The following NRG3 variants were observed in gnomAD, a reference collection of about 807,000 sequenced individuals.
The protein encoded by NRG3 is neuregulin 3, also known as pro-neuregulin-3, membrane-bound isoform.
Under a neutral mutation model 66.9 loss-of-function variants are expected in NRG3, and 31 were observed. The observed-to-expected ratio is 0.46, with a 90% confidence interval of 0.35 to 0.63. The LOEUF is 0.63. NRG3 is among the 20% of genes least tolerant of loss of function. The pLI, the probability that NRG3 is intolerant of heterozygous loss-of-function variation, is 0.00. For missense variants in NRG3, 910 were observed against 878.9 expected (o/e 1.04, Z -0.45); for synonymous variants, 393 against 359.4 (o/e 1.09, Z -1.06).
intron 1 of NRG3, among the ~76,000 whole-genome samples, chr10:82,149,597 T>C (rs1262084007): frequency 6.6e-6 from 1 of 152,226 alleles, no homozygotes; most frequent in Non-Finnish European, 1.5e-5. Context: ...TTGTCTTTGT[T>C]TTCTCATAAA....
intron 2 of NRG3, among the ~76,000 whole-genome samples, chr10:82,401,456 T>C (rs2087100079): frequency 6.6e-6 from 1 of 152,106 alleles, no homozygotes; most frequent in Non-Finnish European, 1.5e-5. Context: ...GAGAGAAGTA[T>C]GCACAGATTC....
At chr10:82,893,874 G>C (rs1168093022) in intron 4 of NRG3, among the ~76,000 whole-genome samples, 2 of 151,802 alleles carry the variant, frequency 1.3e-5, no homozygotes, top group Non-Finnish European at 2.9e-5. Flanking sequence ...AAACCAAAAA[G>C]ACAGAAGTAA....
intron 1 of NRG3, among the ~76,000 whole-genome samples, chr10:82,062,711 T>C (rs1219239148): frequency 6.6e-6 from 1 of 152,082 alleles, no homozygotes; most frequent in Admixed American, 6.6e-5. Flanking sequence ...TATGCTGTCT[T>C]TCTCCCTTTT....
chr10:82,343,367 AG>A (rs1384141861), intron 1 of NRG3, among the ~76,000 whole-genome samples: 1 of 152,166 alleles, frequency 6.6e-6, no homozygotes, highest in Admixed American at 6.6e-5. Context: ...GATCTCTACA[AG>A]CAAAACTACA....
At chr10:82,649,999 A>G (rs780738053) in intron 2 of NRG3, among the ~76,000 whole-genome samples, 17 of 152,150 alleles carry the variant, frequency 1.1e-4, no homozygotes, top group Non-Finnish European at 2.4e-4. Flanking sequence ...AAGCTTCTCA[A>G]ACACTCAGAA....
At chr10:82,419,980 C>A (rs1273735338) in intron 2 of NRG3, among the ~76,000 whole-genome samples, 1 of 152,134 alleles carries the variant, frequency 6.6e-6, no homozygotes, top group Non-Finnish European at 1.5e-5. Flanking sequence ...AAGGTGTGAT[C>A]CAGAAACTCA....
chr10:82,708,432 A>G (rs990670079), intron 2 of NRG3, among the ~76,000 whole-genome samples: 1 of 152,166 alleles, frequency 6.6e-6, no homozygotes, highest in African/African-American at 2.4e-5. Flanking sequence ...ATAGTACCCA[A>G]TAGGTGGTTT....
chr10:82,983,924 A>G (rs192048638), intron 8 of NRG3, among the ~76,000 whole-genome samples: 14 of 152,356 alleles, frequency 9.2e-5, no homozygotes, highest in African/African-American at 3.4e-4. Context: ...GTCTGGTGGA[A>G]AGACCTCTAA....
intron 1 of NRG3, among the ~76,000 whole-genome samples, chr10:82,294,638 A>G (rs1038366424): frequency 2.0e-5 from 3 of 152,192 alleles, no homozygotes; most frequent in Admixed American, 6.5e-5. Flanking sequence ...CATCAGCGTT[A>G]TATGCCTGCT....
intron 1 of NRG3, among the ~76,000 whole-genome samples, chr10:82,189,704 C>T (rs1190364830): frequency 2.6e-5 from 4 of 152,136 alleles, no homozygotes; most frequent in East Asian, 1.9e-4. Context: ...GTAGGAGAAT[C>T]GCTTGAACCT....
intron 3 of NRG3, among the ~76,000 whole-genome samples, chr10:82,793,331 T>A (rs1412190187): frequency 6.6e-6 from 1 of 152,180 alleles, no homozygotes; most frequent in Non-Finnish European, 1.5e-5. Flanking sequence ...TTGGCTCACA[T>A]TAAATAATGA....
intron 2 of NRG3, among the ~76,000 whole-genome samples, chr10:82,496,659 A>G (rs1843662595): frequency 6.6e-6 from 1 of 152,122 alleles, no homozygotes; most frequent in Admixed American, 6.6e-5. Flanking sequence ...GCCTTTTTGC[A>G]GATGTTTACC....
intron 3 of NRG3, among the ~76,000 whole-genome samples, chr10:82,821,761 CA>C (rs1486133277): frequency 6.6e-6 from 1 of 152,102 alleles, no homozygotes; most frequent in Non-Finnish European, 1.5e-5. Flanking sequence ...TACATTTTCC[CA>C]TTGAAAAACA....
intron 5 of NRG3, 47 bp from the exon 6 acceptor site, chr10:82,958,902 T>G (rs979067637): frequency 3.4e-6 from 5 of 1,487,888 alleles, no homozygotes; most frequent in Non-Finnish European, 4.5e-6. Flanking sequence ...AAGTAGGAGT[T>G]GAATAAAGTC....
chr10:82,109,349 A>G (rs932035880), intron 1 of NRG3, among the ~76,000 whole-genome samples: 7 of 152,212 alleles, frequency 4.6e-5, no homozygotes, highest in African/African-American at 1.7e-4. Flanking sequence ...AGATTTTGCA[A>G]CAATCATGAC....
rs577268656 is a variant in NRG3 at position 82,797,461 on chromosome 10, C to G, written c.1027+58811C>G. 2.6e-5 allele frequency among the ~76,000 whole-genome samples: 4 copies of G among 152,330 alleles called. No homozygotes were observed. In the South Asian group the frequency reaches 8.3e-4, roughly 32 times the overall value. On this transcript the variant is annotated intron_variant, in intron 3 of 8. Transcript: ENST00000372141. ...GGTGGGTCATGTCCAAAGTCACCTA[C>G]TCAGTGCTTAAATCTACCTCTCATA...
At chr10:82,817,282 T>G (rs1463658962) in intron 3 of NRG3, among the ~76,000 whole-genome samples, 2 of 152,160 alleles carry the variant, frequency 1.3e-5, no homozygotes, top group African/African-American at 2.4e-5. Context: ...AATAGCAAAA[T>G]TACCATTTAA....
intron 1 of NRG3, among the ~76,000 whole-genome samples, chr10:82,197,049 G>A (rs749587196): frequency 8.5e-5 from 13 of 152,254 alleles, no homozygotes; most frequent in African/African-American, 1.7e-4. Context: ...CATGTTAAGC[G>A]TTTAAGAAAA....
chr10:82,593,387 A>G (rs1472625866), intron 2 of NRG3, among the ~76,000 whole-genome samples: 2 of 152,196 alleles, frequency 1.3e-5, no homozygotes, highest in Non-Finnish European at 2.9e-5. Context: ...AGCTCTTGAG[A>G]TTATGGTAGA....
Sources: gnomAD v4.1 joint callset for allele counts (sites outside exome capture counted in the v4.1 genomes callset) on GRCh38, gnomAD v4.1.1 for gene constraint, MANE v1.5 for transcripts, NCBI Gene and HGNC (gene_info 2026-07-23, HGNC 2026-07-21) for gene names.